Variants in PRKAG2 observed in about 807,000 individuals in gnomAD.
The protein encoded by PRKAG2 is protein kinase AMP-activated non-catalytic subunit gamma 2, also known as 5'-AMP-activated protein kinase subunit gamma-2.
In PRKAG2, 26 loss-of-function variants were observed where a neutral mutation model predicts 69.6. That is an observed-to-expected ratio of 0.37 (90% CI 0.27 to 0.52). The LOEUF (loss-of-function observed/expected upper bound fraction) is 0.52, where lower values mean the gene tolerates loss of function less well. PRKAG2 is among the 20% of genes least tolerant of loss of function. PRKAG2 has a pLI of 0.90. For missense variants in PRKAG2, 557 were observed against 740.0 expected, an observed-to-expected ratio of 0.75 and a Z score of 2.87; for synonymous variants, 293 against 285.0, an observed-to-expected ratio of 1.03 and a Z score of -0.28.
At chr7:151,701,482 AACGTGGAC>A (rs1455019394) in intron 3 of PRKAG2, among the ~76,000 whole-genome samples, 2 of 152,190 alleles carry the variant, frequency 1.3e-5, no homozygotes, top group Non-Finnish European at 2.9e-5. Flanking sequence ...AGGAGGAGGA[AACGTGGAC>A]ACAGATACAC....
chr7:151,729,090 G>A (rs992880309), intron 3 of PRKAG2, among the ~76,000 whole-genome samples: 4 of 151,024 alleles, frequency 2.6e-5, no homozygotes, highest in African/African-American at 9.7e-5. Context: ...ACCAGGCAGC[G>A]CTTGGTGACA....
chr7:151,674,997 C>T, intron 4 of PRKAG2: 1 of 330,958 alleles, frequency 3.0e-6, no homozygotes, highest in Admixed American at 4.2e-5. Flanking sequence ...TCTCAGCTCA[C>T]TGCAGTGTCT....
intron 1 of PRKAG2, among the ~76,000 whole-genome samples, chr7:151,870,613 C>T (rs952763396): frequency 2.0e-5 from 3 of 152,198 alleles, no homozygotes; most frequent in East Asian, 3.9e-4. Flanking sequence ...AGCACTGTCA[C>T]GGTTCGATCC....
At chr7:151,845,799 A>G (rs1406733981) in intron 1 of PRKAG2, among the ~76,000 whole-genome samples, 2 of 152,168 alleles carry the variant, frequency 1.3e-5, no homozygotes, top group African/African-American at 4.8e-5. Context: ...CTCTTCCCAA[A>G]CACCAACGGC....
At chr7:151,599,038 G>C (rs1454818080) in intron 5 of PRKAG2, among the ~76,000 whole-genome samples, 1 of 152,074 alleles carries the variant, frequency 6.6e-6, no homozygotes, top group Non-Finnish European at 1.5e-5. Flanking sequence ...TTTTAGTAGA[G>C]ACGGGGTTTC....
intron 1 of PRKAG2, among the ~76,000 whole-genome samples, chr7:151,804,909 A>C (rs2078025294): frequency 6.6e-6 from 1 of 152,202 alleles, no homozygotes; most frequent in South Asian, 2.1e-4. Context: ...TCTATATCCA[A>C]TAGGTCATGA....
chr7:151,631,731 G>A (rs757933477), intron 5 of PRKAG2: 4 of 464,816 alleles, frequency 8.6e-6, no homozygotes, highest in South Asian at 6.2e-5. Context: ...CGAGTGCATG[G>A]TGACAAGCAC....
Position 151,581,363 on chromosome 7 carries a change from T to C in PRKAG2, c.865-4911A>G, listed in dbSNP as rs115923348. 4.5e-3 allele frequency among the ~76,000 whole-genome samples: 692 copies of C among 152,356 alleles called. 2 individuals carry two copies. The highest frequency in any genetic ancestry group is 0.016 in the African/African-American group (663 of 41,582). ...AAACGAACCTTGTCTATGACCTAAGTCCTAGGATCCTATCAAGGACTGCCT... is the reference window on the plus strand; with the variant it reads ...AAACGAACCTTGTCTATGACCTAAGCCCTAGGATCCTATCAAGGACTGCCT... On this transcript the variant is annotated intron_variant, in intron 6 of 15. Coordinates refer to ENST00000287878, the MANE Select transcript of PRKAG2 (RefSeq NM_016203.4).
chr7:151,627,302 T>C (rs1823220578), intron 5 of PRKAG2, among the ~76,000 whole-genome samples: 1 of 152,122 alleles, frequency 6.6e-6, no homozygotes, highest in African/African-American at 2.4e-5. Flanking sequence ...TTTTGATCAC[T>C]GTAGGTGAGG....
At chr7:151,682,985 G>T (rs1834113005) in intron 3 of PRKAG2, among the ~76,000 whole-genome samples, 1 of 152,222 alleles carries the variant, frequency 6.6e-6, no homozygotes, top group Non-Finnish European at 1.5e-5. Flanking sequence ...ACAGACAGGT[G>T]CCCCCTTTCT....
At chr7:151,669,796 GC>G (rs1831581404) in intron 4 of PRKAG2, among the ~76,000 whole-genome samples, 1 of 113,450 alleles carries the variant, frequency 8.8e-6, no homozygotes, top group Non-Finnish European at 1.8e-5. Flanking sequence ...ACACACCTGT[GC>G]ACACACTTGC....
At position 151,773,190 on chromosome 7, in the gene PRKAG2, G is replaced by T. The variant is rs150340153; in HGVS notation, c.466+7962C>A. Among the ~76,000 whole-genome samples, 155 of 144,572 alleles carry T rather than the reference G, an allele frequency of 1.1e-3. 1 individual carries two copies. Among genetic ancestry groups the T allele is most frequent in the African/African-American group, 3.8e-3 (148 of 38,638 alleles). The allele number at this position is 144,572 out of a possible 152,430, so 94.8% of individuals were successfully genotyped here. ...GCAAGGAAGGAAGGAAGGAAGGAAA[G>T]AAAGAAGGAAAGAAAGAAAGGAAAG... On this transcript the variant is annotated intron_variant, in intron 3 of 15. Coordinates refer to ENST00000287878, the MANE Select transcript of PRKAG2 (RefSeq NM_016203.4).
chr7:151,723,095 TGA>T (rs1230810278), intron 3 of PRKAG2, among the ~76,000 whole-genome samples: 1 of 152,216 alleles, frequency 6.6e-6, no homozygotes, highest in Non-Finnish European at 1.5e-5. Context: ...GCCCCGGCTC[TGA>T]GAGGTGGACC....
At chr7:151,679,584 G>A (rs186837119) in intron 3 of PRKAG2, among the ~76,000 whole-genome samples, 24 of 152,270 alleles carry the variant, frequency 1.6e-4, no homozygotes, top group Admixed American at 8.5e-4. Flanking sequence ...GGTGGGGGGC[G>A]TTTTAGGTTC....
intron 5 of PRKAG2, chr7:151,631,576 T>A (rs1483726580): frequency 2.4e-6 from 1 of 416,838 alleles, no homozygotes; most frequent in East Asian, 7.6e-5. Flanking sequence ...CAACACCGAT[T>A]CAATAACCTC....
intron 5 of PRKAG2, among the ~76,000 whole-genome samples, chr7:151,627,960 G>A (rs1309552784): frequency 3.3e-5 from 5 of 152,254 alleles, no homozygotes; most frequent in South Asian, 2.1e-4. Context: ...CGCCACGCCC[G>A]GCCTGGATTC....
At chr7:151,723,710 G>A (rs181300154) in intron 3 of PRKAG2, among the ~76,000 whole-genome samples, 17 of 152,272 alleles carry the variant, frequency 1.1e-4, no homozygotes, top group East Asian at 9.6e-4. Flanking sequence ...CTTCAAGGGC[G>A]CTGGGCTCCC....
rs545697973 is a variant in PRKAG2, at chr7:151,684,181, C to T, written c.467-8544G>A. ...TCCTCAGGGACCCTGCCTGCCATGCCTCCAGCAACTCCTCTTCCCCTCGTC... is the reference window on the plus strand; with the variant it reads ...TCCTCAGGGACCCTGCCTGCCATGCTTCCAGCAACTCCTCTTCCCCTCGTC... On this transcript the variant is annotated intron_variant, in intron 3 of 15. Transcript: ENST00000287878. Among the ~76,000 whole-genome samples, 5 of 152,312 alleles carry T rather than the reference C, an allele frequency of 3.3e-5. No individual in the cohort carries two copies. The East Asian group carries it at 7.7e-4, about 24-fold the overall frequency.
intron 3 of PRKAG2, among the ~76,000 whole-genome samples, chr7:151,715,709 T>A (rs1027072583): frequency 1.3e-5 from 2 of 151,856 alleles, no homozygotes; most frequent in African/African-American, 4.8e-5. Flanking sequence ...AAAGGGAGGA[T>A]GGAGTGGAAG....
Sources: gnomAD v4.1 joint callset for allele counts (sites outside exome capture counted in the v4.1 genomes callset) on GRCh38, gnomAD v4.1.1 for gene constraint, MANE v1.5 for transcripts, NCBI Gene and HGNC (gene_info 2026-07-23, HGNC 2026-07-21) for gene names.